Variants in PCDHGA4 observed in about 807,000 individuals in gnomAD.
The protein encoded by PCDHGA4 is protocadherin gamma-A4.
In PCDHGA4, 38 loss-of-function variants were observed where a neutral mutation model predicts 54.6. The observed-to-expected ratio is 0.70, with a 90% CI of 0.54 to 0.91. The LOEUF (loss-of-function observed/expected upper bound fraction) is 0.91, where lower values mean the gene tolerates loss of function less well. Ranked by LOEUF, PCDHGA4 falls within the 40% of genes least tolerant of loss-of-function variation. The pLI, the probability that PCDHGA4 is intolerant of heterozygous loss-of-function variation, is 0.00. For synonymous variants in PCDHGA4, 511 were observed against 512.9 expected (o/e 1.00, Z 0.05); for missense variants, 1,298 against 1,220.9 (o/e 1.06, Z -0.94).
At chr5:141,374,916 C>T in intron 1 of PCDHGA4, 2 of 1,613,924 alleles carry the variant, frequency 1.2e-6, no homozygotes, top group Non-Finnish European at 1.7e-6. Flanking sequence ...GGGGAAGTAA[C>T]TTATTCCTTT....
chr5:141,371,033 A>G, intron 1 of PCDHGA4: 2 of 1,614,008 alleles, frequency 1.2e-6, no homozygotes, highest in Non-Finnish European at 1.7e-6. Context: ...TGGTCCTCAC[A>G]GCTGTGGATG....
intron 1 of PCDHGA4, chr5:141,441,038 G>A (rs1263659082): frequency 6.6e-6 from 1 of 152,156 alleles, no homozygotes; most frequent in African/African-American, 2.4e-5. Context: ...AAAACTTTAA[G>A]TACATTGGAC....
chr5:141,502,062 A>G (rs530211521), intron 2 of PCDHGA4, among the ~76,000 whole-genome samples: 2 of 152,146 alleles, frequency 1.3e-5, no homozygotes, highest in South Asian at 4.2e-4. Flanking sequence ...TATTCCCATT[A>G]GCCCCCTTCA....
At chr5:141,415,476 G>C in intron 1 of PCDHGA4, 1 of 1,614,194 alleles carries the variant, frequency 6.2e-7, no homozygotes, top group Non-Finnish European at 8.5e-7. Context: ...CCGCGGACTC[G>C]CGAAAGAGTC....
At position 141,431,776 on chromosome 5, in the gene PCDHGA4, C is replaced by A; in HGVS notation, c.2515-63031C>A. Reference sequence around the variant, plus strand: ...CCAAAGTCCTGATCACTGTTCTGGACGTGAACGACAATGCCCCAGAAGTGG... The same window carrying A: ...CCAAAGTCCTGATCACTGTTCTGGAAGTGAACGACAATGCCCCAGAAGTGG... On this transcript the variant is annotated intron_variant, in intron 1 of 3. Coordinates refer to ENST00000571252, the MANE Select transcript of PCDHGA4 (RefSeq NM_018917.4). The surrounding 1 kb of genome is among the most constrained non-coding windows in gnomAD (Gnocchi z 4.8). The A allele has an allele frequency of 6.2e-7, 1 of 1,614,228 alleles. No homozygotes were observed. The highest frequency in any genetic ancestry group is 8.5e-7 in the Non-Finnish European group (1 of 1,180,044).
Position 141,485,713 on chromosome 5 carries a change from G to T in PCDHGA4, c.2515-9094G>T. On this transcript the variant is annotated intron_variant, in intron 1 of 3. Transcript: ENST00000571252. The surrounding 1 kb of genome is among the most constrained non-coding windows in gnomAD (Gnocchi z 5.7). ...TGAGCTCCAATGAACACTTTGCACT[G>T]GATGTGAAGAAGCGCAGCGACGGCA... 1 of 1,614,202 alleles carries T rather than the reference G, an allele frequency of 6.2e-7. No individual in the cohort carries two copies. The highest frequency in any genetic ancestry group is 8.5e-7 in the Non-Finnish European group (1 of 1,180,038).
chr5:141,423,762 G>GT, intron 1 of PCDHGA4: 1 of 264,254 alleles, frequency 3.8e-6, no homozygotes, highest in Non-Finnish European at 5.6e-6. Context: ...GGGGGGGGGT[G>GT]GGGCGGCATA....
chr5:141,388,636 T>G, intron 1 of PCDHGA4: 1 of 1,613,918 alleles, frequency 6.2e-7, no homozygotes. Context: ...AGGGTGAGCC[T>G]TTCAGAAAAC....
intron 1 of PCDHGA4, chr5:141,408,865 A>G (rs765751172): frequency 6.2e-7 from 1 of 1,613,684 alleles, no homozygotes. Context: ...GGGACCCACC[A>G]AGAAGTGCCA....
At chr5:141,368,939 G>A (rs920878647) in intron 1 of PCDHGA4, among the ~76,000 whole-genome samples, 3 of 152,146 alleles carry the variant, frequency 2.0e-5, no homozygotes, top group African/African-American at 7.2e-5. Context: ...TAGAATTCTG[G>A]TTACTGTGAG....
At chr5:141,360,835 G>A in intron 1 of PCDHGA4, 3 of 1,613,956 alleles carry the variant, frequency 1.9e-6, no homozygotes, top group Non-Finnish European at 2.5e-6. Context: ...CAAAGTCACG[G>A]ATGCCAACGA....
chr5:141,405,191 C>T (rs573277021), intron 1 of PCDHGA4: 28 of 1,612,832 alleles, frequency 1.7e-5, no homozygotes, highest in South Asian at 1.6e-4. Context: ...AGATGGGGTT[C>T]GAGCTTTCCT....
chr5:141,356,046 G>A lies in PCDHGA4; in HGVS notation c.939G>A (p.Arg313=), dbSNP rs1760087771. 1.2e-6 allele frequency: 2 copies of A among 1,613,820 alleles called. No homozygotes were observed. Among genetic ancestry groups the A allele is most frequent in the Admixed American group, 1.7e-5 (1 of 60,012 alleles). Residue 313 remains arginine, a synonymous_variant, in exon 1 of 4, where the codon CGG becomes CGA. Transcript: ENST00000571252. Reference sequence around the variant, plus strand: ...ATGGAGACGTGACGTATTCTTTCCGGAAAGTAAGAGACAAAATATCACAGC... The same window carrying A: ...ATGGAGACGTGACGTATTCTTTCCGAAAAGTAAGAGACAAAATATCACAGC... ...GANGDVTYSF[R]KVRDKISQLF...
chr5:141,371,379 G>C, intron 1 of PCDHGA4: 1 of 1,613,974 alleles, frequency 6.2e-7, no homozygotes, highest in Non-Finnish European at 8.5e-7. Context: ...ACATCACACT[G>C]CATATTGTAA....
intron 2 of PCDHGA4, among the ~76,000 whole-genome samples, chr5:141,504,179 A>C (rs1247627456): frequency 6.6e-6 from 1 of 152,240 alleles, no homozygotes; most frequent in Non-Finnish European, 1.5e-5. Context: ...AATTCAAAAA[A>C]ATCATGAAAA....
intron 1 of PCDHGA4, chr5:141,389,364 C>T: frequency 1.2e-6 from 2 of 1,613,854 alleles, no homozygotes; most frequent in Non-Finnish European, 1.7e-6. Context: ...GGCCAGTGAC[C>T]TGGAGCAGCG....
chr5:141,508,974 G>A (rs962653911), intron 3 of PCDHGA4, among the ~76,000 whole-genome samples: 2 of 152,128 alleles, frequency 1.3e-5, no homozygotes, highest in Non-Finnish European at 2.9e-5. Flanking sequence ...AAAGGGCTGG[G>A]GGTGGGGGCC....
intron 1 of PCDHGA4, among the ~76,000 whole-genome samples, chr5:141,484,774 C>T (rs1269490742): frequency 6.6e-6 from 1 of 151,782 alleles, no homozygotes; most frequent in Non-Finnish European, 1.5e-5. Context: ...ATGTTGTCTG[C>T]CTCCCCACAG....
intron 1 of PCDHGA4, chr5:141,389,107 T>C (rs1349471179): frequency 1.2e-6 from 2 of 1,613,940 alleles, no homozygotes; most frequent in Non-Finnish European, 8.5e-7. Context: ...GATGCTGTTC[T>C]AGACCGCGAG....
Sources: gnomAD v4.1 joint callset for allele counts (sites outside exome capture counted in the v4.1 genomes callset) on GRCh38, gnomAD v4.1.1 for gene constraint, Gnocchi (gnomAD v3.1) non-coding constraint, MANE v1.5 for transcripts, NCBI Gene and HGNC (gene_info 2026-07-23, HGNC 2026-07-21) for gene names.